ACAD9: variants seen among roughly 807,000 people sequenced by gnomAD.
ACAD9 encodes the protein acyl-CoA dehydrogenase family member 9.
A neutral mutation model predicts 70.2 loss-of-function variants in ACAD9; 53 were observed. The ratio of observed to expected loss-of-function variants is 0.75; its 90% CI spans 0.61 to 0.95. The LOEUF is 0.95. Among genes scored for constraint, ACAD9 ranks in the 40% least tolerant of loss-of-function variants. The pLI, the probability that ACAD9 is intolerant of heterozygous loss-of-function variation, is 0.00. For synonymous variants in ACAD9, 313 were observed against 312.1 expected, an observed-to-expected ratio of 1.00 and a Z score of -0.03; for missense variants, 777 against 802.8, an observed-to-expected ratio of 0.97 and a Z score of 0.39.
At chr3:128,883,073 G>GTTTTTTTTTTTTTT (rs58094285) in intron 1 of ACAD9, among the ~76,000 whole-genome samples, 1 of 139,098 alleles carries the variant, frequency 7.2e-6, no homozygotes, top group Non-Finnish European at 1.6e-5. Context: ...CCATCAGCTT[G>GTTTTTTTTTTTTTT]TTTTTTTTTT....
At position 128,909,034 on chromosome 3, in the gene ACAD9, T is replaced by A. The variant is rs1194653869; in HGVS notation, c.1420T>A (p.Ser474Thr). ...TACCGTTGGCCGGAGGCTTCGGGAC[T>A]CCCTGGGCCGAACTGTGGACCTGGG... ...MDTVGRRLRD[S>T]LGRTVDLGLT... Residue 474 changes from serine (S) to threonine (T), a missense_variant, in exon 14 of 18, where the codon TCC becomes ACC. Transcript: ENST00000308982. The A allele has an allele frequency of 6.2e-7, 1 of 1,614,164 alleles. No homozygotes were observed. The highest frequency in any genetic ancestry group is 1.7e-5 in the Admixed American group (1 of 60,024).
chr3:128,902,035 G>A lies in ACAD9; in HGVS notation c.883-518G>A, dbSNP rs1335662015. ...TTCATCTCTCTCATAGCATGAATGA[G>A]TAATTCATTCCTTTTATGGCTGAAT... On this transcript the variant is annotated intron_variant, in intron 8 of 17. Transcript: ENST00000308982. The surrounding 1 kb of genome is among the most constrained non-coding windows in gnomAD (Gnocchi z 4.0). Among the ~76,000 whole-genome samples the A allele has an allele frequency of 1.3e-5, 2 of 152,212 alleles. No homozygotes were observed. Among genetic ancestry groups the A allele is most frequent in the Non-Finnish European group, 2.9e-5 (2 of 68,044 alleles).
At position 128,883,073 on chromosome 3, in the gene ACAD9, G is replaced by GT. The variant is rs58094285; in HGVS notation, c.151-1565dup. ...TGCAGAGTGATGGAGCCATCAGCTT[G>GT]TTTTTTTTTTTTTTTCTTGTTTTTT... On this transcript the variant is annotated intron_variant, in intron 1 of 17. Coordinates refer to ENST00000308982, the MANE Select transcript of ACAD9 (RefSeq NM_014049.5). Among the ~76,000 whole-genome samples, 421 of 139,008 alleles carry GT rather than the reference G, an allele frequency of 3.0e-3. 1 individual carries two copies. The highest frequency in any genetic ancestry group is 5.8e-3 in the Admixed American group (81 of 13,982). 91.2% of individuals were successfully genotyped at this position (139,008 alleles called of 152,430 possible). A position where few individuals can be genotyped will look rare whatever the true frequency, so the allele number is the denominator to read the frequency against.
rs1553731022 is a variant in ACAD9 at position 128,899,522 on chromosome 3, C to CT, written c.808+61_808+62insT. On this transcript the variant is annotated intron_variant, in intron 7 of 17. Coordinates refer to ENST00000308982, the MANE Select transcript of ACAD9 (RefSeq NM_014049.5). ...GTGTAAGGGGGAGACTGGCCTTTGA[C>CT]GGTGTGTGTGTGTGTGTGTGTGTGT... is the stretch of plus-strand genomic sequence containing the variant. 1.5e-3 allele frequency: 1,667 copies of CT among 1,146,064 alleles called. 11 individuals carry two copies. Among genetic ancestry groups the CT allele is most frequent in the East Asian group, 6.0e-3 (167 of 28,020 alleles). 71.0% of individuals were successfully genotyped at this position (1,146,064 alleles called of 1,614,324 possible).
At chr3:128,882,513 G>A (rs1935124333) in intron 1 of ACAD9, among the ~76,000 whole-genome samples, 1 of 152,160 alleles carries the variant, frequency 6.6e-6, no homozygotes, top group Admixed American at 6.5e-5. Context: ...AGCCTTACTG[G>A]GATTAGAGCA....
Position 128,909,341 on chromosome 3 carries a change from T to C in ACAD9, c.1486-3T>C, listed in dbSNP as rs769129677. 4 of 1,614,042 alleles carry C rather than the reference T, an allele frequency of 2.5e-6. No individual in the cohort carries two copies. Among genetic ancestry groups the C allele is most frequent in the Non-Finnish European group, 3.4e-6 (4 of 1,180,014 alleles). ...CTGAACTGAGTCCTGTCTTGGTTAA[T>C]AGGACAGTGCCAACAAGTTTGAGGA... On this transcript the variant is annotated splice_region_variant and splice_polypyrimidine_tract_variant and intron_variant, in intron 14 of 17. Transcript: ENST00000308982.
rs781664396 is a variant in ACAD9 at position 128,906,142 on chromosome 3, T to C, written c.1171T>C (p.Trp391Arg). ...MVKVFSSEAA[W>R]QCVSEALQIL... ...ACAGGTGTTCAGCTCCGAGGCCGCC[T>C]GGCAGTGTGTGAGTGAGGCGCTGCA... The change falls in exon 12 of 18, where the codon TGG (tryptophan) becomes CGG (arginine). Residue 391 changes from tryptophan (W) to arginine (R), a missense_variant. By Grantham distance (101) the Trp-to-Arg change is moderately radical. Transcript: ENST00000308982. 17 of 1,614,076 alleles carry C rather than the reference T, an allele frequency of 1.1e-5. No individual in the cohort carries two copies. Among genetic ancestry groups the C allele is most frequent in the South Asian group, 1.1e-5 (1 of 91,094 alleles).
intron 10 of ACAD9, 47 bp downstream of exon 10, chr3:128,904,179 G>A: frequency 1.2e-6 from 2 of 1,602,842 alleles, no homozygotes; most frequent in Non-Finnish European, 1.7e-6. Flanking sequence ...TGTGTGACAT[G>A]AACGGTGTGT....
In ACAD9 at chr3:128,906,178, G is replaced by T; in HGVS notation, c.1207G>T (p.Gly403Cys). ...CVSEALQILG[G>C]LGYTRDYPYE... ...GAGTGAGGCGCTGCAGATCCTCGGG[G>T]GCTTGGGCTACACAAGGGACTATCC... The change falls in exon 12 of 18, where the codon GGC (glycine) becomes TGC (cysteine). Residue 403 changes from glycine to cysteine, a missense_variant. Physicochemically the swap from Gly to Cys is radical, Grantham distance 159. Coordinates refer to ENST00000308982, the MANE Select transcript of ACAD9 (RefSeq NM_014049.5). The T allele has an allele frequency of 6.2e-7, 1 of 1,614,220 alleles. No homozygotes were observed. Among genetic ancestry groups the T allele is most frequent in the Non-Finnish European group, 8.5e-7 (1 of 1,180,050 alleles).
Position 128,902,476 on chromosome 3 carries a change from C to T in ACAD9, c.883-77C>T. On this transcript the variant is annotated intron_variant, in intron 8 of 17. Transcript: ENST00000308982. The surrounding 1 kb of genome is among the most constrained non-coding windows in gnomAD (Gnocchi z 4.0). ...CAGCTTGAGGGAAGGCAAGCTGATC[C>T]ACCTGGCCTGGTTTCGTTGCGGCCT... 1.4e-6 allele frequency: 2 copies of T among 1,452,438 alleles called. No individual in the cohort carries two copies. The allele number at this position is 1,452,438 out of a possible 1,614,324, so 90.0% of individuals were successfully genotyped here.
At chr3:128,910,953 G>A in intron 17 of ACAD9, 140 bp downstream of exon 17, 2 of 1,046,750 alleles carry the variant, frequency 1.9e-6, no homozygotes, top group Admixed American at 1.8e-5. Context: ...GGCCTGGGTA[G>A]GCCTGGGCTT....
At chr3:128,911,940 A>G (rs905207588) in intron 17 of ACAD9, among the ~76,000 whole-genome samples, 1 of 152,186 alleles carries the variant, frequency 6.6e-6, no homozygotes, top group Non-Finnish European at 1.5e-5. Context: ...CTCTGTCTGC[A>G]GTGCTCTTCC....
chr3:128,906,895 C>CA (rs1935908508), intron 12 of ACAD9, among the ~76,000 whole-genome samples: 1 of 152,174 alleles, frequency 6.6e-6, no homozygotes, highest in South Asian at 2.1e-4. Flanking sequence ...TTGGAAGCCA[C>CA]AAAACGTCTT....
chr3:128,909,541 C>T, intron 15 of ACAD9, 120 bp downstream of exon 15: 1 of 1,099,338 alleles, frequency 9.1e-7, no homozygotes, highest in East Asian at 2.5e-5. Flanking sequence ...GTTGATCACC[C>T]TGGAGGGATG....
At chr3:128,895,242 A>AT in intron 3 of ACAD9, 68 bp from the exon 4 acceptor site, 3 of 1,205,420 alleles carry the variant, frequency 2.5e-6, no homozygotes, top group Non-Finnish European at 3.6e-6. Flanking sequence ...GAAAAAAAAA[A>AT]GCCAATGAAG....
At position 128,909,405 on chromosome 3, in the gene ACAD9, T is replaced by G; in HGVS notation, c.1547T>G (p.Leu516Arg). Reference sequence around the variant, plus strand: ...TTCGGCCGGACCGTGGAGACACTGCTGCTCCGCTTTGGCAAGGTAACCAGG... The same window carrying G: ...TTCGGCCGGACCGTGGAGACACTGCGGCTCCGCTTTGGCAAGGTAACCAGG... ...YCFGRTVETL[L>R]LRFGKTIMEE... is the part of the protein sequence containing the mutation. Residue 516 changes from leucine (L) to arginine (R), a missense_variant, in exon 15 of 18, where the codon CTG becomes CGG. Transcript: ENST00000308982. 1 of 1,614,166 alleles carries G rather than the reference T, an allele frequency of 6.2e-7. No individual in the cohort carries two copies. The highest frequency in any genetic ancestry group is 8.5e-7 in the Non-Finnish European group (1 of 1,180,046).
rs913190019 is a variant in ACAD9, at chr3:128,908,658, G to A, written c.1359-315G>A. 1.3e-5 allele frequency: 7 copies of A among 540,202 alleles called. No individual in the cohort carries two copies. The African/African-American group carries it at 1.3e-4, about 10-fold the overall frequency. 33.5% of individuals were successfully genotyped at this position (540,202 alleles called of 1,614,324 possible). On this transcript the variant is annotated intron_variant, in intron 13 of 17. Coordinates refer to ENST00000308982, the MANE Select transcript of ACAD9 (RefSeq NM_014049.5). ...GCTCCCCTCCACCCCCACCCTAGGGGCACAGTAATCCAAAATCACTGCTGG... is the reference window on the plus strand; with the variant it reads ...GCTCCCCTCCACCCCCACCCTAGGGACACAGTAATCCAAAATCACTGCTGG...
Position 128,901,285 on chromosome 3 carries a change from T to A in ACAD9, c.818T>A (p.Val273Asp). Reference sequence around the variant, plus strand: ...ATTTCATGTGTTTCAGCTTGTGAAGTCCATTTTGAAAACACCAAGATACCT... The same window carrying A: ...ATTTCATGTGTTTCAGCTTGTGAAGACCATTTTGAAAACACCAAGATACCT... ...LGIRGSNTCEVHFENTKIPVE... is the reference protein window; with the variant it reads ...LGIRGSNTCEDHFENTKIPVE... Residue 273 changes from valine (V) to aspartate (D), a missense_variant, in exon 8 of 18, where the codon GTC becomes GAC. By Grantham distance (152) the Val-to-Asp change is radical. Transcript: ENST00000308982. 1 of 1,614,044 alleles carries A rather than the reference T, an allele frequency of 6.2e-7. No individual in the cohort carries two copies. The highest frequency in any genetic ancestry group is 8.5e-7 in the Non-Finnish European group (1 of 1,179,938).
chr3:128,886,362 A>C (rs1437696084), intron 2 of ACAD9, among the ~76,000 whole-genome samples: 2 of 151,828 alleles, frequency 1.3e-5, no homozygotes, highest in Admixed American at 6.5e-5. Flanking sequence ...CAGCCTCCCC[A>C]AGTGCTGGGA....
Sources: allele counts gnomAD v4.1 joint callset (sites outside exome capture counted in the v4.1 genomes callset), GRCh38; gene constraint gnomAD v4.1.1; non-coding constraint Gnocchi (gnomAD v3.1); transcripts MANE v1.5; gene names NCBI Gene and HGNC (gene_info 2026-07-23, HGNC 2026-07-21).